The following TSHZ2 variants were observed in gnomAD, a reference collection of about 807,000 sequenced individuals.
The protein encoded by TSHZ2 is teashirt homolog 2.
In TSHZ2, 21 loss-of-function variants were observed where a neutral mutation model predicts 74.4. The observed-to-expected ratio is 0.28, with a 90% CI of 0.20 to 0.41. The LOEUF is 0.41. Ranked by LOEUF, TSHZ2 falls within the 10% of genes least tolerant of loss-of-function variation. TSHZ2 has a pLI of 1.00. For missense variants in TSHZ2, 1,244 were observed against 1,293.5 expected, an observed-to-expected ratio of 0.96 and a Z score of 0.59; for synonymous variants, 540 against 515.3, an observed-to-expected ratio of 1.05 and a Z score of -0.65.
intron 1 of TSHZ2, among the ~76,000 whole-genome samples, chr20:53,084,702 T>C (rs1445591495): frequency 7.3e-5 from 8 of 109,346 alleles, no homozygotes; most frequent in African/African-American, 2.1e-4. Context: ...TCTCTCCCTC[T>C]CTCCCTCTCT....
chr20:53,469,410 G>T (rs1985685317), intron 2 of TSHZ2, among the ~76,000 whole-genome samples: 1 of 151,834 alleles, frequency 6.6e-6, no homozygotes, highest in South Asian at 2.1e-4. Flanking sequence ...TGGACATGGT[G>T]GTGCACGCCT....
chr20:53,362,022 C>G (rs894957407), intron 2 of TSHZ2, among the ~76,000 whole-genome samples: 3 of 151,718 alleles, frequency 2.0e-5, no homozygotes. Context: ...CAGATTCAAG[C>G]GATTCCTCTG....
chr20:53,035,722 G>C (rs1395488571), intron 1 of TSHZ2, among the ~76,000 whole-genome samples: 2 of 152,170 alleles, frequency 1.3e-5, no homozygotes, highest in African/African-American at 2.4e-5. Context: ...TAATGGGGAA[G>C]ACAAGTATCA....
intron 2 of TSHZ2, among the ~76,000 whole-genome samples, chr20:53,353,442 G>A (rs1418390623): frequency 6.6e-6 from 1 of 152,182 alleles, no homozygotes; most frequent in Non-Finnish European, 1.5e-5. Context: ...CCTACATAAT[G>A]TTTTATAAAT....
chr20:53,008,555 AC>A (rs1394547128), intron 1 of TSHZ2, among the ~76,000 whole-genome samples: 3 of 123,866 alleles, frequency 2.4e-5, no homozygotes, highest in Admixed American at 1.5e-4. Context: ...GATTATAATC[AC>A]CTTTTTTTTT....
At chr20:53,428,615 T>C (rs948485147) in intron 2 of TSHZ2, among the ~76,000 whole-genome samples, 5 of 152,228 alleles carry the variant, frequency 3.3e-5, no homozygotes, top group Admixed American at 2.0e-4. Context: ...CATTACACTT[T>C]AATTTTCTGA....
At chr20:53,109,545 A>G (rs931220237) in intron 1 of TSHZ2, among the ~76,000 whole-genome samples, 9 of 152,318 alleles carry the variant, frequency 5.9e-5, no homozygotes, top group African/African-American at 1.4e-4. Context: ...TGCATGGCCC[A>G]TCCTGTGATT....
In TSHZ2 at chr20:53,489,467, G is replaced by T; in HGVS notation, c.*2332G>T. 3.4e-6 allele frequency: 1 copy of T among 298,382 alleles called. No homozygotes were observed. Among genetic ancestry groups the T allele is most frequent in the Non-Finnish European group, 6.6e-6 (1 of 152,342 alleles). The allele number at this position is 298,382 out of a possible 1,614,324, so 18.5% of individuals were successfully genotyped here. Reference sequence around the variant, plus strand: ...TAAAAATTGTCTGCTCCAATCCAGGGTTATTAGGCCAAAGTTACATAATTC... The same window carrying T: ...TAAAAATTGTCTGCTCCAATCCAGGTTTATTAGGCCAAAGTTACATAATTC... On this transcript the variant is annotated 3_prime_UTR_variant, in exon 3 of 3. Transcript: ENST00000371497.
intron 1 of TSHZ2, among the ~76,000 whole-genome samples, chr20:53,142,319 G>C (rs1987421593): frequency 6.6e-6 from 1 of 152,182 alleles, no homozygotes; most frequent in Non-Finnish European, 1.5e-5. Flanking sequence ...GCTCCACAGG[G>C]CTTCCGGTTC....
chr20:53,236,954 G>A (rs973138874), intron 1 of TSHZ2, among the ~76,000 whole-genome samples: 2 of 152,132 alleles, frequency 1.3e-5, no homozygotes, highest in African/African-American at 4.8e-5. Flanking sequence ...CCCCTAACAC[G>A]TAGGGCTTAC....
chr20:53,177,552 T>G (rs1263378751), intron 1 of TSHZ2, among the ~76,000 whole-genome samples: 1 of 152,196 alleles, frequency 6.6e-6, no homozygotes, highest in Non-Finnish European at 1.5e-5. Flanking sequence ...AGTTCTTTCT[T>G]CAGGGCTGCA....
chr20:53,237,483 GTC>G (rs1233105395), intron 1 of TSHZ2, among the ~76,000 whole-genome samples: 2 of 143,646 alleles, frequency 1.4e-5, no homozygotes, highest in Non-Finnish European at 3.0e-5. Context: ...GCCCTGCTCT[GTC>G]TCTCTCTTTC....
chr20:53,253,496 C>A lies in TSHZ2; in HGVS notation c.41-3C>A, dbSNP rs1328251477. On this transcript the variant is annotated splice_region_variant and splice_polypyrimidine_tract_variant and intron_variant, in intron 1 of 2. Coordinates refer to ENST00000371497, the MANE Select transcript of TSHZ2 (RefSeq NM_173485.6). ...CGTTTCATCTCTTCTTCTTCTCTTG[C>A]AGGCTACGCCCAGGAGGAACAGCTG... 2 of 1,592,842 alleles carry A rather than the reference C, an allele frequency of 1.3e-6. No individual in the cohort carries two copies. Among genetic ancestry groups the A allele is most frequent in the Non-Finnish European group, 1.7e-6 (2 of 1,169,538 alleles).
chr20:53,183,357 G>T (rs547719305), intron 1 of TSHZ2, among the ~76,000 whole-genome samples: 1 of 152,136 alleles, frequency 6.6e-6, no homozygotes, highest in African/African-American at 2.4e-5. Flanking sequence ...CATCCTCTGC[G>T]TCCCTGAGTG....
intron 2 of TSHZ2, among the ~76,000 whole-genome samples, chr20:53,287,568 G>A (rs1991192676): frequency 6.6e-6 from 1 of 152,242 alleles, no homozygotes; most frequent in Non-Finnish European, 1.5e-5. Flanking sequence ...TTACTTATCT[G>A]TTGAGTATCC....
chr20:53,323,748 T>C (rs1328717483), intron 2 of TSHZ2, among the ~76,000 whole-genome samples: 1 of 151,822 alleles, frequency 6.6e-6, no homozygotes, highest in Non-Finnish European at 1.5e-5. Flanking sequence ...GCTAATTTTT[T>C]TGTCTTTTTA....
chr20:53,418,865 G>C (rs1983367480), intron 2 of TSHZ2, among the ~76,000 whole-genome samples: 1 of 152,140 alleles, frequency 6.6e-6, no homozygotes, highest in African/African-American at 2.4e-5. Flanking sequence ...AGGCCACCCA[G>C]ACAGGTGTGA....
rs140461093 is a variant in TSHZ2, at chr20:53,300,732, A to G, written c.*8+44161A>G. Among the ~76,000 whole-genome samples, 9 of 152,304 alleles carry G rather than the reference A, an allele frequency of 5.9e-5. No individual in the cohort carries two copies. The East Asian group carries it at 1.5e-3, about 26-fold the overall frequency. Reference sequence around the variant, plus strand: ...ACATCACTAAGTGGTCAAACACTCCAGTTTCAAATATGTTTCTGAGAATCT... The same window carrying G: ...ACATCACTAAGTGGTCAAACACTCCGGTTTCAAATATGTTTCTGAGAATCT... On this transcript the variant is annotated intron_variant, in intron 2 of 2. Transcript: ENST00000371497.
At chr20:53,443,872 G>A (rs1217324803) in intron 2 of TSHZ2, among the ~76,000 whole-genome samples, 1 of 152,196 alleles carries the variant, frequency 6.6e-6, no homozygotes, top group African/African-American at 2.4e-5. Flanking sequence ...TCCACCAATG[G>A]TGGCTACTGC....
Sources: allele counts gnomAD v4.1 joint callset (sites outside exome capture counted in the v4.1 genomes callset), GRCh38; gene constraint gnomAD v4.1.1; transcripts MANE v1.5; gene names NCBI Gene and HGNC (gene_info 2026-07-23, HGNC 2026-07-21).